The following NAV2 variants were observed in gnomAD, a reference collection of about 807,000 sequenced individuals.
NAV2 encodes neuron navigator 2.
NAV2 carries 54 observed loss-of-function variants against 223.2 expected under a neutral mutation model. The observed-to-expected ratio is 0.24, with a 90% CI of 0.19 to 0.30. The LOEUF is 0.30. Ranked by LOEUF, NAV2 falls within the 10% of genes least tolerant of loss-of-function variation. The pLI is 1.00. For synonymous variants in NAV2, 1,279 were observed against 1,239.3 expected (o/e 1.03, Z -0.67); for missense variants, 2,806 against 3,147.5 (o/e 0.89, Z 2.60).
intron 3 of NAV2, among the ~76,000 whole-genome samples, chr11:19,862,985 A>G (rs1189690044): frequency 6.6e-6 from 1 of 152,144 alleles, no homozygotes. Flanking sequence ...CCTCTTAGAT[A>G]TGGAACAGAC....
At chr11:19,728,673 G>A (rs1364613267) in intron 1 of NAV2, among the ~76,000 whole-genome samples, 2 of 152,202 alleles carry the variant, frequency 1.3e-5, no homozygotes, top group African/African-American at 4.8e-5. Flanking sequence ...CGATCATGTG[G>A]ATGAGGCATG....
intron 6 of NAV2, among the ~76,000 whole-genome samples, chr11:19,895,113 T>C (rs967528279): frequency 1.4e-4 from 19 of 140,460 alleles, no homozygotes; most frequent in Non-Finnish European, 1.7e-4. Context: ...TCTTTTTTTT[T>C]TTTTTTTTTT....
At position 20,049,205 on chromosome 11, in the gene NAV2, G is replaced by A. The variant is rs1308336368; in HGVS notation, c.4370+10G>A. On this transcript the variant is annotated intron_variant, in intron 15 of 37. Transcript: ENST00000349880. ...CCACACTGTCAGAAAGGTTGGTGCTGTGCCTCTGGCTGCCTTTCTCAGAAA... is the reference window on the plus strand; with the variant it reads ...CCACACTGTCAGAAAGGTTGGTGCTATGCCTCTGGCTGCCTTTCTCAGAAA... The A allele has an allele frequency of 6.5e-7, 1 of 1,544,100 alleles. No homozygotes were observed. The highest frequency in any genetic ancestry group is 1.2e-5 in the South Asian group (1 of 80,798).
chr11:19,921,477 A>G lies in NAV2; in HGVS notation c.932-11699A>G, dbSNP rs142893990. 3.6e-3 allele frequency among the ~76,000 whole-genome samples: 547 copies of G among 152,352 alleles called. 3 individuals are homozygous for G. Among genetic ancestry groups the G allele is most frequent in the African/African-American group, 0.012 (515 of 41,584 alleles). Reference sequence around the variant, plus strand: ...AATTGTCTGACGTTCCTATTTTTAAAAAGAACCTCCTGGAGGGAAACATTG... The same window carrying G: ...AATTGTCTGACGTTCCTATTTTTAAGAAGAACCTCCTGGAGGGAAACATTG... On this transcript the variant is annotated intron_variant, in intron 6 of 37. Transcript: ENST00000349880.
chr11:19,669,183 T>C (rs1454680952), intron 1 of NAV2, among the ~76,000 whole-genome samples: 1 of 152,186 alleles, frequency 6.6e-6, no homozygotes, highest in Non-Finnish European at 1.5e-5. Flanking sequence ...GGCCATTTAA[T>C]TGCACAAGCT....
chr11:19,704,959 A>G (rs1214079034), intron 1 of NAV2, among the ~76,000 whole-genome samples: 1 of 150,218 alleles, frequency 6.7e-6, no homozygotes, highest in Non-Finnish European at 1.5e-5. Context: ...TGCTGTGAGC[A>G]GAGATCATGC....
At chr11:20,031,618 A>C (rs1477947590) in intron 11 of NAV2, among the ~76,000 whole-genome samples, 1 of 152,172 alleles carries the variant, frequency 6.6e-6, no homozygotes, top group Admixed American at 6.5e-5. Flanking sequence ...TGTCAAAGGC[A>C]CACTTCCATC....
intron 1 of NAV2, among the ~76,000 whole-genome samples, chr11:19,471,726 A>G (rs1477474968): frequency 6.6e-6 from 1 of 152,194 alleles, no homozygotes; most frequent in Non-Finnish European, 1.5e-5. Flanking sequence ...AGCAAACAGT[A>G]AGTATGAAGA....
intron 1 of NAV2, among the ~76,000 whole-genome samples, chr11:19,703,142 T>A (rs2049558694): frequency 6.6e-6 from 1 of 152,092 alleles, no homozygotes; most frequent in African/African-American, 2.4e-5. Context: ...AATATTTTTT[T>A]AAATTACAAA....
At chr11:19,478,314 G>A (rs566399893) in intron 1 of NAV2, among the ~76,000 whole-genome samples, 242 of 152,204 alleles carry the variant, frequency 1.6e-3, no homozygotes, top group African/African-American at 5.5e-3. Flanking sequence ...AGTCACTGAG[G>A]GTGACTGGAC....
At chr11:19,508,238 C>T (rs910522613) in intron 1 of NAV2, among the ~76,000 whole-genome samples, 5 of 152,078 alleles carry the variant, frequency 3.3e-5, no homozygotes, top group African/African-American at 1.2e-4. Context: ...TGCAGCAACT[C>T]CTACCCTGAC....
Position 20,077,638 on chromosome 11 carries a change from A to C in NAV2, c.5067+3A>C. 1 of 1,611,910 alleles carries C rather than the reference A, an allele frequency of 6.2e-7. No homozygotes were observed. Among genetic ancestry groups the C allele is most frequent in the Non-Finnish European group, 8.5e-7 (1 of 1,178,004 alleles). ...TGACCATGACAGCTGAGCAGAAGGT[A>C]AGGCAGAAAGGATACTTTAACCCTC... On this transcript the variant is annotated splice_donor_region_variant and intron_variant, in intron 23 of 37. Transcript: ENST00000349880.
Position 19,933,540 on chromosome 11 carries a change from T to G in NAV2, c.1296T>G (p.Thr432=). The G allele has an allele frequency of 6.2e-7, 1 of 1,609,284 alleles. No homozygotes were observed. Among genetic ancestry groups the G allele is most frequent in the Non-Finnish European group, 8.5e-7 (1 of 1,177,606 alleles). ...SRDTSCERLE[T]LPSFEESEEL... is the part of the protein sequence containing the mutation. ...ACACAAGCTGTGAGCGGCTGGAGAC[T>G]CTGCCCAGCTTCGAAGAGAGCGAGG... The change falls in exon 7 of 38, where the codon ACT becomes ACG. Residue 432 remains threonine, a synonymous_variant. Transcript: ENST00000349880. This position sits in a 1 kb window ranked among gnomAD's most constrained non-coding sequence, Gnocchi z 4.3.
At chr11:20,046,887 G>A (rs1043992982) in intron 14 of NAV2, among the ~76,000 whole-genome samples, 1 of 152,024 alleles carries the variant, frequency 6.6e-6, no homozygotes, top group African/African-American at 2.4e-5. Flanking sequence ...TCATAAGAAA[G>A]AATAAGTCCC....
chr11:19,977,786 G>T (rs886474013), intron 10 of NAV2, among the ~76,000 whole-genome samples: 6 of 147,038 alleles, frequency 4.1e-5, no homozygotes, highest in African/African-American at 1.5e-4. Flanking sequence ...TTTCAGAGAG[G>T]TCAACTTTTT....
At chr11:19,742,530 T>C (rs2052935961) in intron 1 of NAV2, among the ~76,000 whole-genome samples, 1 of 152,182 alleles carries the variant, frequency 6.6e-6, no homozygotes, top group East Asian at 1.9e-4. Flanking sequence ...TGCTACCCAC[T>C]ACGTGAGGCG....
chr11:19,508,570 C>A (rs775911102), intron 1 of NAV2, among the ~76,000 whole-genome samples: 1 of 152,132 alleles, frequency 6.6e-6, no homozygotes, highest in South Asian at 2.1e-4. Context: ...CCTTTCATAC[C>A]TGCATGTAAA....
chr11:20,083,240 A>G, intron 26 of NAV2, 61 bp downstream of exon 26: 2 of 1,425,944 alleles, frequency 1.4e-6, no homozygotes, highest in East Asian at 2.3e-5. Flanking sequence ...TCCAGTAGGA[A>G]TGGCTAGGAG....
At chr11:19,745,260 G>A (rs1020474907) in intron 1 of NAV2, among the ~76,000 whole-genome samples, 2 of 152,184 alleles carry the variant, frequency 1.3e-5, no homozygotes, top group African/African-American at 4.8e-5. Context: ...TTGACCTGTG[G>A]CATTGTCTCC....
Sources: gnomAD v4.1 joint callset for allele counts (sites outside exome capture counted in the v4.1 genomes callset) on GRCh38, gnomAD v4.1.1 for gene constraint, Gnocchi (gnomAD v3.1) non-coding constraint, MANE v1.5 for transcripts, NCBI Gene and HGNC (gene_info 2026-07-23, HGNC 2026-07-21) for gene names.